Variants in NUP210L observed in about 807,000 individuals in gnomAD.
NUP210L encodes the protein nuclear pore membrane glycoprotein 210-like.
Under a neutral mutation model 208.5 loss-of-function variants are expected in NUP210L, and 74 were observed. The ratio of observed to expected loss-of-function variants is 0.35; its 90% CI spans 0.29 to 0.43. The LOEUF is 0.43. NUP210L is among the 20% of genes least tolerant of loss of function. The pLI is 1.00. For synonymous variants in NUP210L, 780 were observed against 816.9 expected (o/e 0.95, Z 0.77); for missense variants, 1,843 against 2,289.4 (o/e 0.81, Z 3.98).
At chr1:154,001,023 T>C (rs374308439) in exon 37 of NUP210L, 1 of 1,614,170 alleles carries the variant, frequency 6.2e-7, no homozygotes, top group Non-Finnish European at 8.5e-7. Context: ...AGAGTGGCTA[T>C]GGCCAGCGAC....
chr1:153,995,125 C>G, exon 38 of NUP210L: 1 of 1,613,922 alleles, frequency 6.2e-7, no homozygotes, highest in Non-Finnish European at 8.5e-7. Flanking sequence ...GGGTCAAGAG[C>G]AGGATCTGGT....
chr1:154,093,416 G>A (rs550518304), intron 15 of NUP210L, among the ~76,000 whole-genome samples: 4 of 151,472 alleles, frequency 2.6e-5, no homozygotes, highest in Non-Finnish European at 5.9e-5. Flanking sequence ...CAACAAGAGC[G>A]AAACTCCATC....
intron 1 of NUP210L, among the ~76,000 whole-genome samples, chr1:154,153,610 G>C (rs1419562632): frequency 6.7e-6 from 1 of 150,352 alleles, no homozygotes; most frequent in Admixed American, 6.6e-5. Flanking sequence ...GCGCCCGGCC[G>C]AATGTTTTTA....
intron 27 of NUP210L, among the ~76,000 whole-genome samples, chr1:154,032,497 CTT>C (rs1043466825): frequency 1.4e-5 from 2 of 145,392 alleles, no homozygotes; most frequent in Admixed American, 6.9e-5. Context: ...ATTTGTATGA[CTT>C]TTTTTTTTTT....
At chr1:154,071,073 G>GTTTTT (rs143888420) in intron 16 of NUP210L, among the ~76,000 whole-genome samples, 2 of 148,806 alleles carry the variant, frequency 1.3e-5, no homozygotes, top group Admixed American at 6.8e-5. Context: ...GTCCAGGCCA[G>GTTTTT]TTTTTTGTTT....
chr1:154,031,891 T>TA (rs35565250), intron 27 of NUP210L, among the ~76,000 whole-genome samples: 14 of 151,010 alleles, frequency 9.3e-5, no homozygotes, highest in African/African-American at 2.5e-4. Flanking sequence ...CTGGCTAAAT[T>TA]AAAAAAAATT....
At chr1:154,146,068 G>A (rs956627160) in intron 2 of NUP210L, among the ~76,000 whole-genome samples, 10 of 151,972 alleles carry the variant, frequency 6.6e-5, no homozygotes, top group African/African-American at 2.4e-4. Context: ...AAAGAACCAG[G>A]ACTCCTTGAA....
intron 5 of NUP210L, among the ~76,000 whole-genome samples, 195 bp downstream of exon 5, chr1:154,139,607 C>A (rs994616333): frequency 2.0e-5 from 3 of 151,230 alleles, no homozygotes; most frequent in African/African-American, 7.3e-5. Context: ...GGCAGGCAGA[C>A]TGCTTGAGCT....
intron 10 of NUP210L, among the ~76,000 whole-genome samples, chr1:154,124,769 T>C (rs116712410): frequency 3.2e-4 from 48 of 149,998 alleles, no homozygotes; most frequent in Non-Finnish European, 6.4e-4. Flanking sequence ...GTGGGCAACA[T>C]AGCAAGAACC....
rs998352408 is a variant in NUP210L, at chr1:154,087,322, A to G, written c.2361+2099T>C. ...GCGAAAAGAATGAAGCTCCATCTCA[A>G]AAAAAAAAAAAAAAAAAGGGGCAAC... On this transcript the variant is annotated intron_variant, in intron 16 of 39. Coordinates refer to ENST00000368559, the Ensembl canonical transcript of NUP210L. Among the ~76,000 whole-genome samples, 33 of 146,072 alleles carry G rather than the reference A, an allele frequency of 2.3e-4. No homozygotes were observed. In the East Asian group the frequency reaches 6.0e-3, roughly 26 times the overall value.
intron 16 of NUP210L, among the ~76,000 whole-genome samples, chr1:154,087,516 T>G (rs997444106): frequency 1.8e-4 from 28 of 152,160 alleles, no homozygotes; most frequent in Non-Finnish European, 2.5e-4. Context: ...GCAGCCACTT[T>G]GGAAACAGCT....
intron 1 of NUP210L, 100 bp from the exon 2 acceptor site, chr1:154,152,972 G>A (rs182668098): frequency 7.0e-6 from 7 of 995,906 alleles, no homozygotes; most frequent in Admixed American, 4.3e-5. Flanking sequence ...CATACTACCA[G>A]GTATATGTAA....
At chr1:153,993,142 G>A (rs974325893) in intron 38 of NUP210L, 53 bp from the exon 39 acceptor site, 10 of 1,252,284 alleles carry the variant, frequency 8.0e-6, no homozygotes, top group African/African-American at 3.0e-5. Flanking sequence ...GGCCTTAAAA[G>A]GCAAAGTCAA....
chr1:154,146,632 A>C (rs1180530311), intron 2 of NUP210L, among the ~76,000 whole-genome samples: 6 of 16,268 alleles, frequency 3.7e-4, no homozygotes, highest in Admixed American at 1.5e-3. Flanking sequence ...CCCCCCCACC[A>C]AAAAAAGAGC....
chr1:154,153,097 AT>A (rs983411491), intron 1 of NUP210L, among the ~76,000 whole-genome samples: 5 of 151,926 alleles, frequency 3.3e-5, no homozygotes, highest in Non-Finnish European at 5.9e-5. Flanking sequence ...CCCTCCCTCA[AT>A]TTTTTTTAAA....
chr1:154,136,039 T>C, intron 6 of NUP210L, 67 bp from the exon 7 acceptor site: 1 of 1,087,036 alleles, frequency 9.2e-7, no homozygotes, highest in African/African-American at 1.6e-5. Context: ...GATGTATTCT[T>C]GATCATAAAG....
At chr1:154,044,495 T>A (rs1653069792) in intron 27 of NUP210L, among the ~76,000 whole-genome samples, 1 of 152,032 alleles carries the variant, frequency 6.6e-6, no homozygotes, top group African/African-American at 2.4e-5. Context: ...TCTTCCACAA[T>A]TCCAGTATAA....
intron 23 of NUP210L, among the ~76,000 whole-genome samples, chr1:154,055,205 C>G (rs1164504633): frequency 1.5e-4 from 19 of 127,438 alleles, no homozygotes; most frequent in African/African-American, 5.2e-4. Context: ...TTCTTTCTTT[C>G]TCTCTCTCCC....
intron 10 of NUP210L, among the ~76,000 whole-genome samples, chr1:154,121,501 T>A (rs930751031): frequency 6.6e-6 from 1 of 152,148 alleles, no homozygotes; most frequent in South Asian, 2.1e-4. Context: ...CAATAGAATA[T>A]GGCAGAAGTG....
Sources: gnomAD v4.1 joint callset for allele counts (sites outside exome capture counted in the v4.1 genomes callset) on GRCh38, gnomAD v4.1.1 for gene constraint, MANE v1.5 for transcripts, NCBI Gene and HGNC (gene_info 2026-07-23, HGNC 2026-07-21) for gene names.